The following ELL variants were observed in gnomAD, a reference collection of about 807,000 sequenced individuals.
The protein encoded by ELL is RNA polymerase II elongation factor ELL.
A neutral mutation model predicts 64.0 loss-of-function variants in ELL; 18 were observed. The ratio of observed to expected loss-of-function variants is 0.28; its 90% CI spans 0.19 to 0.42. The LOEUF (loss-of-function observed/expected upper bound fraction) is 0.42. Ranked by LOEUF, ELL falls within the 10% of genes least tolerant of loss-of-function variation. The pLI is 1.00. For missense variants in ELL, 797 were observed against 870.4 expected (o/e 0.92, Z 1.06); for synonymous variants, 399 against 376.2 (o/e 1.06, Z -0.70).
intron 9 of ELL, 27 bp from the exon 10 acceptor site, chr19:18,446,507 G>A (rs996875820): frequency 6.2e-7 from 1 of 1,604,222 alleles, no homozygotes; most frequent in Non-Finnish European, 8.5e-7. Flanking sequence ...GGGCCACTGA[G>A]TGGAGGCTGG....
In ELL at chr19:18,458,315, A is replaced by G. The variant is rs1450065530; in HGVS notation, c.759T>C (p.Ser253=). ...DGLLQQVANM[S]AKDGTCTLQD... ...GCAGTGTACACGTGCCGTCCTTAGC[A>G]CTCATGTTGGCCACCTGCAAGACAG... The change falls in exon 6 of 12, where the codon AGT becomes AGC. Residue 253 remains serine, a synonymous_variant. Transcript: ENST00000262809. 2 of 1,611,298 alleles carry G rather than the reference A, an allele frequency of 1.2e-6. No homozygotes were observed. The highest frequency in any genetic ancestry group is 3.3e-5 in the Admixed American group (2 of 59,918).
intron 1 of ELL, 77 bp downstream of exon 1, chr19:18,521,844 C>G: frequency 6.7e-7 from 1 of 1,494,980 alleles, no homozygotes; most frequent in Non-Finnish European, 8.9e-7. Context: ...CGAGCCCGGA[C>G]GCCTCAGTGA....
chr19:18,445,137 C>T lies in ELL; in HGVS notation c.1749+87G>A, dbSNP rs547141798. 4.5e-6 allele frequency: 7 copies of T among 1,542,284 alleles called. No homozygotes were observed. In the South Asian group the frequency reaches 5.6e-5, roughly 12 times the overall value. On this transcript the variant is annotated intron_variant, in intron 11 of 11. Coordinates refer to ENST00000262809, the MANE Select transcript of ELL (RefSeq NM_006532.4). ...CTCTTCCCCCACACCTTGGAAGTAG[C>T]GGGCAGGGAGGCTGCCCCGGGCCCA... is the stretch of plus-strand genomic sequence containing the variant.
chr19:18,492,998 T>C (rs959683622), intron 1 of ELL, among the ~76,000 whole-genome samples: 1 of 151,814 alleles, frequency 6.6e-6, no homozygotes, highest in Admixed American at 6.6e-5. Context: ...CTTCCCACTC[T>C]CCAAATGAAA....
At chr19:18,492,885 T>C (rs1975561357) in intron 1 of ELL, among the ~76,000 whole-genome samples, 1 of 151,950 alleles carries the variant, frequency 6.6e-6, no homozygotes, top group Non-Finnish European at 1.5e-5. Context: ...GGCCGTGAAG[T>C]CCCACTGGCC....
In ELL at chr19:18,501,924, G is replaced by A. The variant is rs899231035; in HGVS notation, c.135+19997C>T. ...AGGCCCTGAACACAGTCAAGAGGAA[G>A]AGGAAGAAACACTGGGGCCTGGCGG... is the stretch of plus-strand genomic sequence containing the variant. On this transcript the variant is annotated intron_variant, in intron 1 of 11. Coordinates refer to ENST00000262809, the MANE Select transcript of ELL (RefSeq NM_006532.4). The surrounding 1 kb of genome is among the most constrained non-coding windows in gnomAD (Gnocchi z 4.5). Among the ~76,000 whole-genome samples the A allele has an allele frequency of 2.0e-5, 3 of 152,106 alleles. No homozygotes were observed. The highest frequency in any genetic ancestry group is 4.4e-5 in the Non-Finnish European group (3 of 68,018).
chr19:18,466,228 C>T (rs1263334309), intron 2 of ELL, among the ~76,000 whole-genome samples: 1 of 152,192 alleles, frequency 6.6e-6, no homozygotes, highest in Non-Finnish European at 1.5e-5. Flanking sequence ...GGCCCCCACC[C>T]CAATCGTGTG....
At chr19:18,514,410 A>C (rs1976088739) in intron 1 of ELL, among the ~76,000 whole-genome samples, 1 of 150,456 alleles carries the variant, frequency 6.6e-6, no homozygotes, top group African/African-American at 2.5e-5. Flanking sequence ...GCTACTCAGA[A>C]GGCTGAGGCA....
intron 1 of ELL, among the ~76,000 whole-genome samples, chr19:18,476,254 G>T (rs1394700955): frequency 6.6e-6 from 1 of 152,224 alleles, no homozygotes; most frequent in Non-Finnish European, 1.5e-5. Context: ...GGTCGGCCCG[G>T]GGCTAACACA....
rs958100114 is a variant in ELL at position 18,443,973 on chromosome 19, G to A, written c.*779C>T. The A allele has an allele frequency of 1.3e-5, 3 of 232,520 alleles. No homozygotes were observed. Among genetic ancestry groups the A allele is most frequent in the Non-Finnish European group, 2.5e-5 (3 of 117,652 alleles). The allele number at this position is 232,520 out of a possible 1,614,324, so 14.4% of individuals were successfully genotyped here. Reference sequence around the variant, plus strand: ...AAAAGTCTGACGCCGCTGCGGCCGAGTCTCAACTTGGAGCACAGAAACACA... The same window carrying A: ...AAAAGTCTGACGCCGCTGCGGCCGAATCTCAACTTGGAGCACAGAAACACA... On this transcript the variant is annotated 3_prime_UTR_variant, in exon 12 of 12. Transcript: ENST00000262809.
At chr19:18,467,926 TAC>T (rs980969300) in intron 2 of ELL, among the ~76,000 whole-genome samples, 3 of 107,628 alleles carry the variant, frequency 2.8e-5, no homozygotes, top group African/African-American at 7.1e-5. Context: ...CACACAACCA[TAC>T]ACACACAATA....
chr19:18,506,877 G>A (rs1192059795), intron 1 of ELL, among the ~76,000 whole-genome samples: 1 of 152,112 alleles, frequency 6.6e-6, no homozygotes, highest in East Asian at 1.9e-4. Flanking sequence ...TTGATCCTAC[G>A]CTCTACGCCA....
intron 1 of ELL, chr19:18,473,232 G>A (rs1388605433): frequency 1.1e-5 from 6 of 569,892 alleles, no homozygotes; most frequent in Non-Finnish European, 2.0e-5. Context: ...CGGGAGAGAA[G>A]GGCAAGGCTC....
intron 6 of ELL, among the ~76,000 whole-genome samples, chr19:18,452,911 C>A (rs1428916690): frequency 1.3e-5 from 2 of 152,222 alleles, no homozygotes; most frequent in Non-Finnish European, 2.9e-5. Flanking sequence ...AACGTCAGAC[C>A]TCAAAACAGA....
chr19:18,457,892 T>C (rs1974716784), intron 6 of ELL, among the ~76,000 whole-genome samples: 1 of 152,036 alleles, frequency 6.6e-6, no homozygotes, highest in Admixed American at 6.6e-5. Flanking sequence ...GAGGGAAGCA[T>C]GAAGGGAAGT....
intron 1 of ELL, among the ~76,000 whole-genome samples, chr19:18,485,389 G>A (rs1359723938): frequency 6.6e-6 from 1 of 152,156 alleles, no homozygotes; most frequent in Non-Finnish European, 1.5e-5. Context: ...ACACTCCCAA[G>A]GCCACCCGTC....
chr19:18,454,417 T>C (rs1009236530), intron 6 of ELL, among the ~76,000 whole-genome samples: 1 of 151,956 alleles, frequency 6.6e-6, no homozygotes, highest in Admixed American at 6.6e-5. Context: ...GAGAATGGTG[T>C]CAACCCAGGA....
At chr19:18,467,112 T>C (rs1014851023) in intron 2 of ELL, among the ~76,000 whole-genome samples, 1 of 152,164 alleles carries the variant, frequency 6.6e-6, no homozygotes, top group Non-Finnish European at 1.5e-5. Flanking sequence ...AGGGAAGCCA[T>C]GGCTGCACCC....
intron 6 of ELL, among the ~76,000 whole-genome samples, chr19:18,452,970 G>A (rs910924147): frequency 1.3e-5 from 2 of 152,210 alleles, no homozygotes; most frequent in South Asian, 2.1e-4. Flanking sequence ...AGATGAAAAC[G>A]TTAAAAAATA....
Sources: allele counts gnomAD v4.1 joint callset (sites outside exome capture counted in the v4.1 genomes callset), GRCh38; gene constraint gnomAD v4.1.1; non-coding constraint Gnocchi (gnomAD v3.1); transcripts MANE v1.5; gene names NCBI Gene and HGNC (gene_info 2026-07-23, HGNC 2026-07-21).